Variants in FMN2 observed in about 807,000 individuals in gnomAD.
The protein encoded by FMN2 is formin-2.
In FMN2, 51 loss-of-function variants were observed where a neutral mutation model predicts 142.3. The observed-to-expected ratio is 0.36, with a 90% CI of 0.29 to 0.45. FMN2 has a LOEUF of 0.45. Among genes scored for constraint, FMN2 ranks in the 20% least tolerant of loss-of-function variants. The probability of loss-of-function intolerance (pLI) is 1.00; values close to 1 mark genes in which losing one functional copy is unlikely to be tolerated. For missense variants in FMN2, 1,936 were observed against 2,122.8 expected, an observed-to-expected ratio of 0.91 and a Z score of 1.73; for synonymous variants, 882 against 869.8, an observed-to-expected ratio of 1.01 and a Z score of -0.25.
intron 10 of FMN2, among the ~76,000 whole-genome samples, 178 bp downstream of exon 10, chr1:240,329,646 G>T (rs1671312678): frequency 6.6e-6 from 1 of 152,154 alleles, no homozygotes; most frequent in African/African-American, 2.4e-5. Context: ...AAATGTTCCG[G>T]CGGGCGCCCA....
At chr1:240,472,191 G>T (rs2210861) in intron 16 of FMN2, 181 bp from the exon 17 acceptor site, 1 of 537,830 alleles carries the variant, frequency 1.9e-6, no homozygotes, top group Admixed American at 3.9e-5. Context: ...ATAAATTAGC[G>T]TCTGTAGCTG....
At chr1:240,328,376 C>T (rs1671265914) in intron 8 of FMN2, among the ~76,000 whole-genome samples, 1 of 151,250 alleles carries the variant, frequency 6.6e-6, no homozygotes, top group South Asian at 2.1e-4. Context: ...ATAAGAAATA[C>T]TACTTTATAA....
chr1:240,438,154 C>T lies in FMN2; in HGVS notation c.5004C>T (p.Phe1668=). Residue 1668 remains phenylalanine, a synonymous_variant, in exon 16 of 18, where the codon TTC becomes TTT. Coordinates refer to ENST00000319653, the MANE Select transcript of FMN2 (RefSeq NM_020066.5). ...PNAFFSIWHE[F]SSDFKDFWKK... ...CTTTCTTCAGTATCTGGCATGAATT[C>T]AGCTCTGACTTTAAAGACTTCTGGA... The T allele has an allele frequency of 1.2e-6, 2 of 1,614,096 alleles. No homozygotes were observed. Among genetic ancestry groups the T allele is most frequent in the Non-Finnish European group, 1.7e-6 (2 of 1,179,998 alleles).
intron 8 of FMN2, among the ~76,000 whole-genome samples, chr1:240,302,943 GA>G (rs1220984138): frequency 2.6e-5 from 4 of 151,418 alleles, no homozygotes; most frequent in Non-Finnish European, 5.9e-5. Flanking sequence ...TAAATATAGT[GA>G]AAATAAAAAT....
intron 15 of FMN2, among the ~76,000 whole-genome samples, chr1:240,397,918 A>G (rs963328346): frequency 2.0e-5 from 3 of 151,876 alleles, no homozygotes; most frequent in African/African-American, 7.3e-5. Flanking sequence ...AACTATCACA[A>G]TTTCTAAAGA....
At chr1:240,467,274 T>C (rs372053325) in intron 16 of FMN2, among the ~76,000 whole-genome samples, 1 of 105,146 alleles carries the variant, frequency 9.5e-6, no homozygotes, top group Non-Finnish European at 1.9e-5. Flanking sequence ...AGTTAAATCG[T>C]TCCTTTTTTT....
At position 240,091,987 on chromosome 1, in the gene FMN2, C is replaced by T. The variant is rs1267932505; in HGVS notation, c.-123C>T. On this transcript the variant is annotated 5_prime_UTR_variant, in exon 1 of 18. Coordinates refer to ENST00000319653, the MANE Select transcript of FMN2 (RefSeq NM_020066.5). ...CCGGGCGCGCGTCGGCCTCCCCTCC[C>T]AGCGGCTCCCCCCGCCGCCGCCTGA... 2.9e-6 allele frequency: 4 copies of T among 1,375,390 alleles called. No homozygotes were observed. In the African/African-American group the frequency reaches 6.1e-5, roughly 21 times the overall value. The allele number at this position is 1,375,390 out of a possible 1,614,324, so 85.2% of individuals were successfully genotyped here. A position where few individuals can be genotyped will look rare whatever the true frequency, so the allele number is the denominator to read the frequency against.
intron 15 of FMN2, among the ~76,000 whole-genome samples, chr1:240,427,859 A>G (rs991399613): frequency 1.3e-5 from 2 of 152,224 alleles, no homozygotes; most frequent in African/African-American, 2.4e-5. Context: ...TGACATATTC[A>G]GTTGTCCATT....
In FMN2 at chr1:240,330,750, G is replaced by T; in HGVS notation, c.4584+1G>T. 1 of 1,613,452 alleles carries T rather than the reference G, an allele frequency of 6.2e-7. No homozygotes were observed. The highest frequency in any genetic ancestry group is 2.2e-5 in the East Asian group (1 of 44,812). On this transcript the variant is annotated splice_donor_variant, in intron 11 of 17. Transcript: ENST00000319653. LOFTEE classifies it high-confidence loss of function. ...AAAACTGAAAGATGTCAAGAGCAGTGTAAGTATTTTGCATGAGTGGACGTA... is the reference window on the plus strand; with the variant it reads ...AAAACTGAAAGATGTCAAGAGCAGTTTAAGTATTTTGCATGAGTGGACGTA...
At position 240,325,300 on chromosome 1, in the gene FMN2, G is replaced by A. The variant is rs144380755; in HGVS notation, c.4216-3776G>A. 6.5e-3 allele frequency among the ~76,000 whole-genome samples: 905 copies of A among 139,304 alleles called. 6 individuals carry two copies. The highest frequency in any genetic ancestry group is 0.024 in the African/African-American group (863 of 35,740). The allele number at this position is 139,304 out of a possible 152,430, so 91.4% of individuals were successfully genotyped here. On this transcript the variant is annotated intron_variant, in intron 8 of 17. Transcript: ENST00000319653. ...CAAGGCTGCAGTAAGCTGAGATCGC[G>A]CCACTGCACTTCAGCCTGGGTGACA... is the stretch of plus-strand genomic sequence containing the variant.
intron 16 of FMN2, among the ~76,000 whole-genome samples, chr1:240,465,088 C>CT (rs149738797): frequency 0.023 from 3,488 of 152,146 alleles, 141 homozygotes; most frequent in African/African-American, 0.079. Context: ...TTTTAAGTCA[C>CT]TGAGGTTACA....
rs944922174 is a variant in FMN2 at position 240,091,924 on chromosome 1, G to A, written c.-186G>A. ...CGACGGCAGCCACGGGAGCCGCCGC[G>A]CATTATGCAAAGCGGCGGCAGATGC... On this transcript the variant is annotated 5_prime_UTR_variant, in exon 1 of 18. Coordinates refer to ENST00000319653, the MANE Select transcript of FMN2 (RefSeq NM_020066.5). The A allele has an allele frequency of 2.0e-6, 2 of 1,014,852 alleles. No individual in the cohort carries two copies. The highest frequency in any genetic ancestry group is 2.7e-6 in the Non-Finnish European group (2 of 753,276). The allele number at this position is 1,014,852 out of a possible 1,614,324, so 62.9% of individuals were successfully genotyped here.
At position 240,355,951 on chromosome 1, in the gene FMN2, CAAAAAAAAAAAAAAAAAAAAAAAAAAAAA is replaced by C. The variant is rs58002724; in HGVS notation, c.4858+50_4858+78del. On this transcript the variant is annotated intron_variant, in intron 14 of 17. Coordinates refer to ENST00000319653, the MANE Select transcript of FMN2 (RefSeq NM_020066.5). ...GTGTTATGTTTTTCTCCCCTTTCAG[CAAAAAAAAAAAAAAAAAAAAAAAAAAAAA>C]AAAAAAGCTACAAGGCATTGTTTAA... 10 of 252,976 alleles carry C rather than the reference CAAAAAAAAAAAAAAAAAAAAAAAAAAAAA, an allele frequency of 4.0e-5. 2 individuals are homozygous for C. The highest frequency in any genetic ancestry group is 5.7e-5 in the Non-Finnish European group (8 of 140,654). The allele number at this position is 252,976 out of a possible 1,614,324, so 15.7% of individuals were successfully genotyped here.
chr1:240,198,503 C>A (rs1488630169), intron 4 of FMN2, among the ~76,000 whole-genome samples: 1 of 152,128 alleles, frequency 6.6e-6, no homozygotes, highest in Non-Finnish European at 1.5e-5. Context: ...ATTATAATTT[C>A]CATAATTCAT....
Position 240,329,060 on chromosome 1 carries a change from G to A in FMN2, c.4216-16G>A, listed in dbSNP as rs189239186. 2.5e-6 allele frequency: 4 copies of A among 1,610,398 alleles called. No homozygotes were observed. Reference sequence around the variant, plus strand: ...TGGCCAGACTTTGAAAAACTATTTGGTTTTTGTTTTTCTAGAGAGCACAGT... The same window carrying A: ...TGGCCAGACTTTGAAAAACTATTTGATTTTTGTTTTTCTAGAGAGCACAGT... On this transcript the variant is annotated splice_polypyrimidine_tract_variant and intron_variant, in intron 8 of 17. Coordinates refer to ENST00000319653, the MANE Select transcript of FMN2 (RefSeq NM_020066.5).
At chr1:240,273,951 T>A (rs768692693) in intron 7 of FMN2, among the ~76,000 whole-genome samples, 2 of 152,126 alleles carry the variant, frequency 1.3e-5, no homozygotes, top group Admixed American at 6.6e-5. Flanking sequence ...ATTTTATTGT[T>A]GTACTTACTA....
At chr1:240,205,221 T>G (rs999285664) in intron 4 of FMN2, among the ~76,000 whole-genome samples, 3 of 151,992 alleles carry the variant, frequency 2.0e-5, no homozygotes, top group Non-Finnish European at 4.4e-5. Flanking sequence ...AAGAAATAGT[T>G]CTCAACACAA....
chr1:240,133,807 A>G (rs898473606), intron 2 of FMN2, among the ~76,000 whole-genome samples: 1 of 152,200 alleles, frequency 6.6e-6, no homozygotes, highest in Non-Finnish European at 1.5e-5. Flanking sequence ...CAAAGGATAT[A>G]TTACACATAT....
chr1:240,316,482 G>T (rs190217356), intron 8 of FMN2, among the ~76,000 whole-genome samples: 39 of 152,262 alleles, frequency 2.6e-4, no homozygotes, highest in African/African-American at 8.7e-4. Context: ...ATTGAGACTG[G>T]CAGGGATGGA....
Sources: allele counts gnomAD v4.1 joint callset (sites outside exome capture counted in the v4.1 genomes callset), GRCh38; gene constraint gnomAD v4.1.1; transcripts MANE v1.5; gene names NCBI Gene and HGNC (gene_info 2026-07-23, HGNC 2026-07-21).